The following ANK2 variants were observed in gnomAD, a reference collection of about 807,000 sequenced individuals.
ANK2 encodes ankyrin 2.
In ANK2, 83 loss-of-function variants were observed where a neutral mutation model predicts 360.5. The ratio of observed to expected loss-of-function variants is 0.23; its 90% CI spans 0.19 to 0.28. ANK2 has a LOEUF of 0.28. Among genes scored for constraint, ANK2 ranks in the 10% least tolerant of loss-of-function variants. The pLI, the probability that ANK2 is intolerant of heterozygous loss-of-function variation, is 1.00. For synonymous variants in ANK2, 1,740 were observed against 1,759.5 expected (o/e 0.99, Z 0.28); for missense variants, 4,201 against 4,795.7 (o/e 0.88, Z 3.66).
At chr4:113,331,395 G>GA (rs1018457341) in intron 27 of ANK2, among the ~76,000 whole-genome samples, 2 of 152,140 alleles carry the variant, frequency 1.3e-5, no homozygotes, top group Non-Finnish European at 2.9e-5. Context: ...GTTCACACCT[G>GA]AAAAGGGGTG....
At chr4:112,938,367 A>G (rs1289012868) in intron 2 of ANK2, among the ~76,000 whole-genome samples, 7 of 152,016 alleles carry the variant, frequency 4.6e-5, no homozygotes, top group Non-Finnish European at 2.9e-5. Context: ...ATTCTGTACT[A>G]TTTCTTTTCA....
chr4:113,024,795 G>A (rs573085696), intron 2 of ANK2, among the ~76,000 whole-genome samples: 3 of 152,202 alleles, frequency 2.0e-5, no homozygotes, highest in African/African-American at 2.4e-5. Context: ...GGTTCTATGC[G>A]TTTGTTAGTC....
chr4:113,081,841 C>T (rs562170077), intron 1 of ANK2, among the ~76,000 whole-genome samples: 7 of 145,180 alleles, frequency 4.8e-5, no homozygotes, highest in East Asian at 4.0e-4. Context: ...TGGAGTTTTG[C>T]GCTTGTCAAC....
intron 2 of ANK2, among the ~76,000 whole-genome samples, chr4:113,007,425 C>T (rs2053271947): frequency 1.3e-5 from 2 of 152,112 alleles, no homozygotes; most frequent in Admixed American, 1.3e-4. Flanking sequence ...TGTATATAAT[C>T]AGCAGTTCCA....
chr4:113,246,623 A>T (rs362497), intron 9 of ANK2, among the ~76,000 whole-genome samples: 12,345 of 152,204 alleles, frequency 0.081, 662 homozygotes, highest in Non-Finnish European at 0.12. Context: ...ATTAAAAAAC[A>T]TATTTCAAAG....
At chr4:113,379,837 A>C (rs188051834) in intron 45 of ANK2, among the ~76,000 whole-genome samples, 28 of 152,346 alleles carry the variant, frequency 1.8e-4, no homozygotes, top group African/African-American at 6.5e-4. Flanking sequence ...TATTTTTAAA[A>C]ATCAGGATGA....
At chr4:112,933,763 G>C (rs866079190) in intron 2 of ANK2, among the ~76,000 whole-genome samples, 2 of 152,308 alleles carry the variant, frequency 1.3e-5, no homozygotes, top group South Asian at 2.1e-4. Context: ...GCCTCCCAAC[G>C]TGCTGAGATT....
intron 14 of ANK2, 58 bp from the exon 15 acceptor site, chr4:113,274,392 CAT>C: frequency 6.5e-7 from 1 of 1,542,600 alleles, no homozygotes; most frequent in Non-Finnish European, 9.0e-7. Context: ...GTGAGTGAAA[CAT>C]ATCACCAGTG....
At chr4:113,379,243 G>A (rs558664110) in intron 45 of ANK2, among the ~76,000 whole-genome samples, 12 of 152,028 alleles carry the variant, frequency 7.9e-5, no homozygotes, top group South Asian at 2.1e-4. Context: ...CATAATCCAC[G>A]CATGCACTAA....
At chr4:113,366,391 C>CTTTTTTTTTT (rs58588518) in intron 41 of ANK2, among the ~76,000 whole-genome samples, 4 of 108,344 alleles carry the variant, frequency 3.7e-5, no homozygotes, top group Admixed American at 9.7e-5. Context: ...TTCTTGCTTC[C>CTTTTTTTTTT]TTTTTTTTTT....
chr4:112,767,081 T>C, the ANK2 span, among the ~76,000 whole-genome samples: 4 of 152,234 alleles, frequency 2.6e-5, no homozygotes, highest in African/African-American at 9.6e-5. Flanking sequence ...AAGCATCATC[T>C]CTTTCTTACC....
chr4:112,766,340 G>C, the ANK2 span, among the ~76,000 whole-genome samples: 1 of 151,676 alleles, frequency 6.6e-6, no homozygotes, highest in African/African-American at 2.4e-5. Context: ...AAAATTTGTT[G>C]CATAAATGAA....
intron 1 of ANK2, among the ~76,000 whole-genome samples, chr4:113,088,385 A>G (rs912972509): frequency 2.0e-5 from 3 of 152,208 alleles, no homozygotes; most frequent in African/African-American, 4.8e-5. Flanking sequence ...TAGAATATAC[A>G]TGTCTATGCA....
intron 2 of ANK2, among the ~76,000 whole-genome samples, chr4:113,020,656 C>T (rs992493399): frequency 2.6e-5 from 4 of 151,904 alleles, no homozygotes; most frequent in Non-Finnish European, 5.9e-5. Context: ...GGTGAAACCC[C>T]GTCTCTACTA....
intron 2 of ANK2, among the ~76,000 whole-genome samples, chr4:113,033,342 G>C (rs1331329256): frequency 6.6e-6 from 1 of 151,896 alleles, no homozygotes; most frequent in South Asian, 2.1e-4. Context: ...TCCAATTAGT[G>C]GTCGATCCAG....
chr4:112,849,674 A>T (rs902099483), intron 1 of ANK2, among the ~76,000 whole-genome samples: 1 of 152,194 alleles, frequency 6.6e-6, no homozygotes, highest in Non-Finnish European at 1.5e-5. Context: ...TGTCTCTAAG[A>T]TCTATCTTTA....
the ANK2 span, among the ~76,000 whole-genome samples, chr4:112,775,089 G>C: frequency 1.3e-5 from 2 of 152,076 alleles, no homozygotes; most frequent in Non-Finnish European, 2.9e-5. Context: ...GAGGTGGAGA[G>C]GCCAGTTACT....
intron 4 of ANK2, among the ~76,000 whole-genome samples, chr4:113,204,081 C>CA (rs899670007): frequency 4.0e-5 from 6 of 151,584 alleles, no homozygotes; most frequent in Admixed American, 6.6e-5. Flanking sequence ...ATTTTCTCCA[C>CA]AAAAAAAATA....
intron 2 of ANK2, among the ~76,000 whole-genome samples, chr4:112,994,538 A>G (rs1460409429): frequency 6.6e-6 from 1 of 152,226 alleles, no homozygotes; most frequent in Non-Finnish European, 1.5e-5. Context: ...GTAAGTTTTT[A>G]TGAGACAATC....
Sources: gnomAD v4.1 joint callset for allele counts (sites outside exome capture counted in the v4.1 genomes callset) on GRCh38, gnomAD v4.1.1 for gene constraint, MANE v1.5 for transcripts, NCBI Gene and HGNC (gene_info 2026-07-23, HGNC 2026-07-21) for gene names.